RHOBTB1: variants seen among roughly 807,000 people sequenced by gnomAD.
The protein encoded by RHOBTB1 is rho-related BTB domain-containing protein 1.
Under a neutral mutation model 71.6 loss-of-function variants are expected in RHOBTB1, and 40 were observed. The observed-to-expected ratio is 0.56, with a 90% CI of 0.43 to 0.73. RHOBTB1 has a LOEUF of 0.73. Among genes scored for constraint, RHOBTB1 ranks in the 30% least tolerant of loss-of-function variants. The probability of loss-of-function intolerance (pLI) is 0.00; values close to 1 mark genes in which losing one functional copy is unlikely to be tolerated. For synonymous variants in RHOBTB1, 319 were observed against 334.9 expected, an observed-to-expected ratio of 0.95 and a Z score of 0.52; for missense variants, 797 against 894.0, an observed-to-expected ratio of 0.89 and a Z score of 1.38.
At chr10:60,887,738 A>G (rs1244770104) in intron 6 of RHOBTB1, among the ~76,000 whole-genome samples, 1 of 152,248 alleles carries the variant, frequency 6.6e-6, no homozygotes, top group East Asian at 1.9e-4. Context: ...ACTTGAGATC[A>G]CTGATTTTTG....
At chr10:60,874,835 G>A in intron 9 of RHOBTB1, 119 bp downstream of exon 9, 1 of 723,636 alleles carries the variant, frequency 1.4e-6, no homozygotes, top group Non-Finnish European at 2.4e-6. Flanking sequence ...GTACACAGGG[G>A]GACTCTGTGA....
chr10:60,897,067 A>T (rs2082195869), intron 4 of RHOBTB1, among the ~76,000 whole-genome samples: 1 of 152,240 alleles, frequency 6.6e-6, no homozygotes, highest in African/African-American at 2.4e-5. Flanking sequence ...TAAGGAGTAC[A>T]TGCAAAGTTG....
At chr10:60,929,767 C>A (rs1211084564) in intron 2 of RHOBTB1, among the ~76,000 whole-genome samples, 1 of 152,024 alleles carries the variant, frequency 6.6e-6, no homozygotes, top group Non-Finnish European at 1.5e-5. Context: ...ACAACAATAA[C>A]AAATATATGG....
chr10:60,985,666 A>G (rs1416601779), intron 2 of RHOBTB1, among the ~76,000 whole-genome samples: 1 of 152,246 alleles, frequency 6.6e-6, no homozygotes, highest in African/African-American at 2.4e-5. Flanking sequence ...TAGAATTTAT[A>G]AAACCCATAA....
chr10:60,954,263 T>G (rs573848531), intron 2 of RHOBTB1, among the ~76,000 whole-genome samples: 1 of 152,284 alleles, frequency 6.6e-6, no homozygotes, highest in East Asian at 1.9e-4. Flanking sequence ...AAAATGAAAG[T>G]GCTCTGAGTG....
chr10:60,893,396 GA>G (rs2082016678), intron 4 of RHOBTB1, among the ~76,000 whole-genome samples: 1 of 152,184 alleles, frequency 6.6e-6, no homozygotes, highest in Non-Finnish European at 1.5e-5. Context: ...ACATAAAGGT[GA>G]TGATGACTCA....
chr10:60,946,041 G>A (rs956005436), upstream of RHOBTB1, among the ~76,000 whole-genome samples: 9 of 152,270 alleles, frequency 5.9e-5, no homozygotes, highest in East Asian at 1.9e-4. Flanking sequence ...GGCTGGGCGC[G>A]GTGGCGCACG....
At chr10:60,896,190 G>A (rs77205222) in intron 4 of RHOBTB1, among the ~76,000 whole-genome samples, 1 of 152,212 alleles carries the variant, frequency 6.6e-6, no homozygotes, top group African/African-American at 2.4e-5. Context: ...TGTGGAGACT[G>A]TTCAATGTCT....
intron 2 of RHOBTB1, among the ~76,000 whole-genome samples, chr10:60,925,406 C>A (rs2083810809): frequency 6.6e-6 from 1 of 152,048 alleles, no homozygotes; most frequent in Admixed American, 6.6e-5. Flanking sequence ...ACACAACATT[C>A]CAAAACCTAT....
chr10:60,961,336 C>A (rs1169096392), intron 2 of RHOBTB1, among the ~76,000 whole-genome samples: 1 of 152,100 alleles, frequency 6.6e-6, no homozygotes, highest in Non-Finnish European at 1.5e-5. Context: ...ACTAGCGGTA[C>A]AATTCTGGAT....
intron 2 of RHOBTB1, among the ~76,000 whole-genome samples, chr10:60,932,708 T>G (rs940173531): frequency 1.6e-4 from 25 of 152,026 alleles, no homozygotes; most frequent in African/African-American, 5.8e-4. Flanking sequence ...AAAAAAGATT[T>G]AAAAATTTAC....
At chr10:60,866,693 C>T (rs545396978), downstream of RHOBTB1, among the ~76,000 whole-genome samples, 16 of 152,230 alleles carry the variant, frequency 1.1e-4, no homozygotes, top group African/African-American at 3.6e-4. Flanking sequence ...TAATAGAAAA[C>T]ATGGAGGCCC....
rs139755525 is a variant in RHOBTB1 at position 60,885,883 on chromosome 10, G to A, written c.1575+229C>T. 8.5e-5 allele frequency among the ~76,000 whole-genome samples: 13 copies of A among 152,236 alleles called. No individual in the cohort carries two copies. The East Asian group carries it at 1.9e-3, about 23-fold the overall frequency. On this transcript the variant is annotated intron_variant, in intron 7 of 10. Coordinates refer to ENST00000337910, the MANE Select transcript of RHOBTB1 (RefSeq NM_014836.5). ...AGCACCCAGGTGCCCCCACACCAGTGACCAATAAACAATAGCTCCTCAAAA... is the reference window on the plus strand; with the variant it reads ...AGCACCCAGGTGCCCCCACACCAGTAACCAATAAACAATAGCTCCTCAAAA...
At chr10:60,952,710 A>G (rs947599433) in intron 2 of RHOBTB1, among the ~76,000 whole-genome samples, 7 of 152,226 alleles carry the variant, frequency 4.6e-5, no homozygotes, top group Non-Finnish European at 7.3e-5. Context: ...TACTTGAAAG[A>G]CTAATGGGCT....
chr10:60,992,669 T>C (rs1034076596), intron 1 of RHOBTB1, among the ~76,000 whole-genome samples: 2 of 152,218 alleles, frequency 1.3e-5, no homozygotes, highest in African/African-American at 4.8e-5. Context: ...CACATTTTTC[T>C]CATGCCCCCA....
chr10:60,946,165 A>G (rs1022807417), upstream of RHOBTB1, among the ~76,000 whole-genome samples: 5 of 147,570 alleles, frequency 3.4e-5, no homozygotes, highest in Non-Finnish European at 7.5e-5. Context: ...GCGACAGAGC[A>G]AGACTCCTTC....
At chr10:60,872,493 C>T (rs1257222998) in intron 9 of RHOBTB1, among the ~76,000 whole-genome samples, 1 of 152,186 alleles carries the variant, frequency 6.6e-6, no homozygotes, top group Non-Finnish European at 1.5e-5. Flanking sequence ...CCCTCCTTTC[C>T]CTGCTGTCAT....
intron 8 of RHOBTB1, among the ~76,000 whole-genome samples, chr10:60,876,347 A>T (rs1222589756): frequency 1.3e-5 from 2 of 152,188 alleles, no homozygotes; most frequent in Non-Finnish European, 2.9e-5. Flanking sequence ...TAATAACTAA[A>T]CTAAGTGTTC....
intron 2 of RHOBTB1, among the ~76,000 whole-genome samples, chr10:60,938,572 C>G (rs961121848): frequency 6.6e-6 from 1 of 152,122 alleles, no homozygotes; most frequent in Admixed American, 6.6e-5. Flanking sequence ...TTAAAATGAC[C>G]TAAGCAGTTA....
Sources: gnomAD v4.1 joint callset for allele counts (sites outside exome capture counted in the v4.1 genomes callset) on GRCh38, gnomAD v4.1.1 for gene constraint, MANE v1.5 for transcripts, NCBI Gene and HGNC (gene_info 2026-07-23, HGNC 2026-07-21) for gene names.